The following SUMF1 variants were observed in gnomAD, a reference collection of about 807,000 sequenced individuals.
SUMF1 encodes the protein formylglycine-generating enzyme.
In SUMF1, 48 loss-of-function variants were observed where a neutral mutation model predicts 47.6. The ratio of observed to expected loss-of-function variants is 1.01; its 90% CI spans 0.80 to 1.28. The LOEUF (loss-of-function observed/expected upper bound fraction) is 1.28, where lower values mean the gene tolerates loss of function less well. Among genes scored for constraint, SUMF1 ranks in the 50% most tolerant of loss-of-function variants. The probability of loss-of-function intolerance (pLI) is 0.00; values close to 1 mark genes in which losing one functional copy is unlikely to be tolerated. For missense variants in SUMF1, 571 were observed against 485.4 expected (o/e 1.18, Z -1.66); for synonymous variants, 230 against 192.1 (o/e 1.20, Z -1.63).
At chr3:4,190,246 T>A (rs1414835490) in intron 8 of SUMF1, among the ~76,000 whole-genome samples, 1 of 151,870 alleles carries the variant, frequency 6.6e-6, no homozygotes, top group African/African-American at 2.4e-5. Flanking sequence ...AGCTGGACGC[T>A]AATCATTTAG....
chr3:4,412,367 G>A (rs1701571707), intron 6 of SUMF1, among the ~76,000 whole-genome samples: 1 of 152,176 alleles, frequency 6.6e-6, no homozygotes, highest in Non-Finnish European at 1.5e-5. Context: ...TCTGGCTGAA[G>A]GCATTCTCCT....
chr3:4,449,016 CTG>C (rs1223215591), intron 3 of SUMF1, among the ~76,000 whole-genome samples: 1 of 152,338 alleles, frequency 6.6e-6, no homozygotes, highest in African/African-American at 2.4e-5. Context: ...CCTAGCAACA[CTG>C]TGTGTTCCTT....
At chr3:4,281,303 C>A (rs1697524793) in intron 8 of SUMF1, among the ~76,000 whole-genome samples, 1 of 151,954 alleles carries the variant, frequency 6.6e-6, no homozygotes, top group South Asian at 2.1e-4. Flanking sequence ...GTTATTATAG[C>A]TTTGATTCAG....
chr3:4,408,461 GA>G (rs949566461), intron 7 of SUMF1, among the ~76,000 whole-genome samples: 9 of 151,666 alleles, frequency 5.9e-5, no homozygotes, highest in Admixed American at 1.3e-4. Context: ...GTTTAAAAAA[GA>G]AAAAAAAGAT....
chr3:4,217,013 G>A (rs974856577), intron 8 of SUMF1, among the ~76,000 whole-genome samples: 6 of 152,062 alleles, frequency 3.9e-5, no homozygotes, highest in Admixed American at 1.3e-4. Flanking sequence ...CCCATTACTG[G>A]GAATATACCC....
At chr3:4,320,697 T>C (rs143404821) in intron 8 of SUMF1, among the ~76,000 whole-genome samples, 1 of 152,308 alleles carries the variant, frequency 6.6e-6, no homozygotes, top group Non-Finnish European at 1.5e-5. Flanking sequence ...CAATAGCCTG[T>C]TTTGGTGTGG....
At chr3:4,262,226 T>C (rs992435302) in intron 8 of SUMF1, among the ~76,000 whole-genome samples, 35 of 152,210 alleles carry the variant, frequency 2.3e-4, no homozygotes, top group African/African-American at 7.2e-4. Flanking sequence ...AGGAAGCACA[T>C]TGCTCAGCAC....
intron 2 of SUMF1, among the ~76,000 whole-genome samples, chr3:4,452,417 T>G (rs1418024344): frequency 2.0e-5 from 3 of 152,228 alleles, no homozygotes; most frequent in African/African-American, 7.2e-5. Context: ...GCTGCACTTC[T>G]GCATTTATCA....
At chr3:4,304,747 G>A (rs1698116157) in intron 8 of SUMF1, among the ~76,000 whole-genome samples, 1 of 152,150 alleles carries the variant, frequency 6.6e-6, no homozygotes, top group Non-Finnish European at 1.5e-5. Flanking sequence ...TTTCAAAGAT[G>A]TCAAGGAAAA....
intron 8 of SUMF1, among the ~76,000 whole-genome samples, chr3:4,106,732 G>C (rs576631517): frequency 6.6e-6 from 1 of 152,006 alleles, no homozygotes; most frequent in South Asian, 2.1e-4. Flanking sequence ...CTCCCAATGA[G>C]GGTTTGCTGG....
intron 8 of SUMF1, among the ~76,000 whole-genome samples, chr3:4,278,658 C>G (rs310702): frequency 6.6e-6 from 1 of 151,880 alleles, no homozygotes; most frequent in Admixed American, 6.6e-5. Flanking sequence ...TCAAGTGGCA[C>G]TGTCATCAGT....
rs61621029 is a variant in SUMF1, at chr3:4,205,885, A to G, written c.1015-137140T>C. On this transcript the variant is annotated intron_variant and NMD_transcript_variant, in intron 8 of 12. Transcript: ENST00000448413. ...GTGCTGGGTCACATCTGAAGCCACCATGGTACTGGGTTCTGCCCAAGACCC... is the reference window on the plus strand; with the variant it reads ...GTGCTGGGTCACATCTGAAGCCACCGTGGTACTGGGTTCTGCCCAAGACCC... 6.4e-3 allele frequency among the ~76,000 whole-genome samples: 968 copies of G among 152,180 alleles called. 17 individuals carry two copies. Among genetic ancestry groups the G allele is most frequent in the African/African-American group, 0.022 (929 of 41,538 alleles).
At chr3:4,067,186 A>C (rs746913196) in intron 9 of SUMF1, among the ~76,000 whole-genome samples, 1 of 152,162 alleles carries the variant, frequency 6.6e-6, no homozygotes, top group African/African-American at 2.4e-5. Flanking sequence ...GGGCATTAGC[A>C]TCTCCAGAAC....
chr3:4,103,756 T>C (rs1187988193), intron 8 of SUMF1, among the ~76,000 whole-genome samples: 2 of 152,064 alleles, frequency 1.3e-5, no homozygotes, highest in Non-Finnish European at 2.9e-5. Context: ...CAAACCACCA[T>C]GATTACGTCC....
chr3:4,135,268 A>G (rs1693897911), intron 8 of SUMF1, among the ~76,000 whole-genome samples: 1 of 152,148 alleles, frequency 6.6e-6, no homozygotes, highest in Non-Finnish European at 1.5e-5. Flanking sequence ...CAAAAAGTTT[A>G]TCCACCATGA....
At position 4,467,224 on chromosome 3, in the gene SUMF1, G is replaced by C. The variant is rs769257869; in HGVS notation, c.22C>G (p.Leu8Val). The C allele has an allele frequency of 6.8e-6, 11 of 1,611,066 alleles. No homozygotes were observed. The highest frequency in any genetic ancestry group is 4.5e-5 in the East Asian group (2 of 44,762). The change falls in exon 1 of 9, where the codon CTG (leucine) becomes GTG (valine). Residue 8 changes from leucine (L) to valine (V), a missense_variant. By Grantham distance (32) the Leu-to-Val change is conservative. Coordinates refer to ENST00000272902, the MANE Select transcript of SUMF1 (RefSeq NM_182760.4). ...AGCTCAGGGCAACGTCCACACACCA[G>C]CCCTAGTGCGGGCGCAGCCATGTTG... MAAPALG[L>V]VCGRCPELGL...
chr3:4,243,151 C>T (rs1010001823), intron 8 of SUMF1, among the ~76,000 whole-genome samples: 2 of 152,130 alleles, frequency 1.3e-5, no homozygotes, highest in Non-Finnish European at 2.9e-5. Context: ...ATTCTTCCCT[C>T]TTTTGTTCTT....
intron 8 of SUMF1, among the ~76,000 whole-genome samples, chr3:4,253,247 T>C (rs570270066): frequency 2.0e-5 from 3 of 152,060 alleles, no homozygotes; most frequent in South Asian, 2.1e-4. Context: ...AAAATGGAAA[T>C]AGGGGGAGGA....
intron 1 of SUMF1, among the ~76,000 whole-genome samples, chr3:4,460,520 G>A (rs948169248): frequency 4.0e-5 from 6 of 151,428 alleles, no homozygotes; most frequent in Admixed American, 1.3e-4. Context: ...GGTAAATATT[G>A]TCATGGTTCA....
Sources: allele counts gnomAD v4.1 joint callset (sites outside exome capture counted in the v4.1 genomes callset), GRCh38; gene constraint gnomAD v4.1.1; transcripts MANE v1.5; gene names NCBI Gene and HGNC (gene_info 2026-07-23, HGNC 2026-07-21).